SGK3: variants seen among roughly 807,000 people sequenced by gnomAD.
The protein encoded by SGK3 is serum/glucocorticoid regulated kinase family member 3.
In SGK3, 47 loss-of-function variants were observed where a neutral mutation model predicts 68.5. The observed-to-expected ratio is 0.69, with a 90% confidence interval of 0.54 to 0.87. SGK3 has a LOEUF of 0.87. Among genes scored for constraint, SGK3 ranks in the 40% least tolerant of loss-of-function variants. The pLI is 0.00. For missense variants in SGK3, 479 were observed against 575.5 expected (o/e 0.83, Z 1.72); for synonymous variants, 181 against 189.1 (o/e 0.96, Z 0.35).
At chr8:66,718,315 G>A (rs769993501) in intron 1 of SGK3, among the ~76,000 whole-genome samples, 12 of 151,738 alleles carry the variant, frequency 7.9e-5, no homozygotes, top group Non-Finnish European at 1.6e-4. Flanking sequence ...ATGACTCACC[G>A]CTCCCAGCCT....
At chr8:66,792,345 A>AG (rs1384763932) in intron 1 of SGK3, among the ~76,000 whole-genome samples, 2 of 151,940 alleles carry the variant, frequency 1.3e-5, no homozygotes, top group African/African-American at 4.8e-5. Flanking sequence ...AAAAAAAAAA[A>AG]AAAGAAATCT....
chr8:66,823,497 A>G (rs1159893587), intron 6 of SGK3, among the ~76,000 whole-genome samples: 1 of 151,294 alleles, frequency 6.6e-6, no homozygotes, highest in Non-Finnish European at 1.5e-5. Context: ...TCCCAGGTTC[A>G]AGTGATTCTC....
chr8:66,745,675 C>T (rs534373222), intron 1 of SGK3, among the ~76,000 whole-genome samples: 19 of 152,108 alleles, frequency 1.2e-4, no homozygotes, highest in Non-Finnish European at 2.6e-4. Flanking sequence ...GCTGCTATAG[C>T]AGAATGCCTG....
intron 1 of SGK3, among the ~76,000 whole-genome samples, chr8:66,760,719 T>C (rs892812623): frequency 3.2e-4 from 49 of 152,156 alleles, no homozygotes; most frequent in Admixed American, 2.4e-3. Context: ...CAAGTAAAAA[T>C]GAGATTCTAT....
intron 3 of SGK3, among the ~76,000 whole-genome samples, chr8:66,800,176 C>G (rs890369500): frequency 6.6e-6 from 1 of 151,724 alleles, no homozygotes; most frequent in African/African-American, 2.4e-5. Flanking sequence ...CCCGTCTCTA[C>G]TAAAAATACA....
intron 5 of SGK3, among the ~76,000 whole-genome samples, chr8:66,816,023 G>A (rs973413908): frequency 7.3e-5 from 11 of 151,710 alleles, no homozygotes; most frequent in African/African-American, 1.9e-4. Flanking sequence ...TTTTTGAGAC[G>A]GAGTCTCACT....
intron 14 of SGK3, 58 bp from the exon 15 acceptor site, chr8:66,847,134 AC>A: frequency 1.9e-6 from 3 of 1,567,444 alleles, no homozygotes; most frequent in Non-Finnish European, 1.7e-6. Flanking sequence ...AGCCATTTTA[AC>A]CCCATTTGCG....
At chr8:66,791,083 A>G (rs573214705) in intron 1 of SGK3, among the ~76,000 whole-genome samples, 6 of 152,174 alleles carry the variant, frequency 3.9e-5, no homozygotes, top group Non-Finnish European at 8.8e-5. Flanking sequence ...CCTCTTTACT[A>G]GCAAAGTCAG....
Position 66,727,085 on chromosome 8 carries a change from A to G in SGK3, c.-122+14252A>G, listed in dbSNP as rs557628636. 6.6e-5 allele frequency among the ~76,000 whole-genome samples: 10 copies of G among 152,190 alleles called. No individual in the cohort carries two copies. In the East Asian group the frequency reaches 1.9e-3, roughly 29 times the overall value. On this transcript the variant is annotated intron_variant, in intron 1 of 16. Transcript: ENST00000521198. ...CCTATTAACCAAGTAAAGATGATAG[A>G]ACATGTTAGATCTGAATTCCTTTTT...
intron 1 of SGK3, among the ~76,000 whole-genome samples, chr8:66,730,838 T>C (rs1472887379): frequency 6.8e-6 from 1 of 147,478 alleles, no homozygotes; most frequent in Admixed American, 6.7e-5. Context: ...CCACCAAGCC[T>C]GGCTAATTTT....
chr8:66,741,928 G>T (rs2130399564), intron 1 of SGK3, among the ~76,000 whole-genome samples: 1 of 152,368 alleles, frequency 6.6e-6, no homozygotes, highest in East Asian at 1.9e-4. Flanking sequence ...AAAGGTGCTA[G>T]GATGGGGGCA....
chr8:66,767,638 A>G lies in SGK3; in HGVS notation c.-121-25978A>G, dbSNP rs773710009. Reference sequence around the variant, plus strand: ...AGGCAGGTCAAAACTCTCGAAGCCTAGAGGATTGAAGGGAAATAATTTTTC... The same window carrying G: ...AGGCAGGTCAAAACTCTCGAAGCCTGGAGGATTGAAGGGAAATAATTTTTC... On this transcript the variant is annotated intron_variant, in intron 1 of 16. Coordinates refer to ENST00000521198, the MANE Select transcript of SGK3 (RefSeq NM_001033578.3). 3.1e-5 allele frequency: 43 copies of G among 1,372,842 alleles called. 1 individual carries two copies. In the East Asian group the frequency reaches 5.0e-4, roughly 16 times the overall value. 85.0% of individuals were successfully genotyped at this position (1,372,842 alleles called of 1,614,324 possible).
chr8:66,802,767 A>G (rs1807999615), intron 3 of SGK3, among the ~76,000 whole-genome samples: 1 of 151,954 alleles, frequency 6.6e-6, no homozygotes, highest in Non-Finnish European at 1.5e-5. Flanking sequence ...GGAGGAAGGA[A>G]GGAAGGAAGG....
At chr8:66,798,815 G>T (rs1040843648) in intron 3 of SGK3, among the ~76,000 whole-genome samples, 190 bp downstream of exon 3, 1 of 152,198 alleles carries the variant, frequency 6.6e-6, no homozygotes, top group African/African-American at 2.4e-5. Context: ...AGAGAGGACT[G>T]CTGAACAATT....
At chr8:66,766,275 C>A (rs543652626) in intron 1 of SGK3, among the ~76,000 whole-genome samples, 1 of 152,164 alleles carries the variant, frequency 6.6e-6, no homozygotes, top group East Asian at 1.9e-4. Flanking sequence ...GTAATCCCAG[C>A]GCTTTGGAAG....
rs183929503 is a variant in SGK3, at chr8:66,725,903, A to G, written c.-122+13070A>G. On this transcript the variant is annotated intron_variant, in intron 1 of 16. Transcript: ENST00000521198. ...GTTGTTTCCTAATAAAAACTCTTAG[A>G]TAATACCATTGCAATTACTGCAACA... Among the ~76,000 whole-genome samples, 524 of 152,256 alleles carry G rather than the reference A, an allele frequency of 3.4e-3. 7 individuals carry two copies. Among genetic ancestry groups the G allele is most frequent in the African/African-American group, 0.012 (507 of 41,516 alleles).
chr8:66,858,397 C>T (rs546697032), intron 16 of SGK3, among the ~76,000 whole-genome samples: 208 of 150,894 alleles, frequency 1.4e-3, no homozygotes, highest in African/African-American at 4.9e-3. Flanking sequence ...ACCCGGGAGG[C>T]GGAGCTTGCA....
At position 66,767,894 on chromosome 8, in the gene SGK3, T is replaced by C. The variant is rs776230067; in HGVS notation, c.-121-25722T>C. 4 of 1,232,926 alleles carry C rather than the reference T, an allele frequency of 3.2e-6. No individual in the cohort carries two copies. The South Asian group carries it at 3.6e-5, about 11-fold the overall frequency. The allele number at this position is 1,232,926 out of a possible 1,614,324, so 76.4% of individuals were successfully genotyped here. A position where few individuals can be genotyped will look rare whatever the true frequency, so the allele number is the denominator to read the frequency against. ...AAACATGATATTGAAACTTGAGATC[T>C]CCCATCTAAGGCTTTGATTGAAGGT... is the stretch of plus-strand genomic sequence containing the variant. On this transcript the variant is annotated intron_variant, in intron 1 of 16. Transcript: ENST00000521198.
At chr8:66,844,582 T>C (rs1244210431) in intron 14 of SGK3, among the ~76,000 whole-genome samples, 5 of 152,204 alleles carry the variant, frequency 3.3e-5, no homozygotes, top group Admixed American at 3.3e-4. Flanking sequence ...CTTTTTGACA[T>C]GTTTAGAAAT....
Sources: allele counts gnomAD v4.1 joint callset (sites outside exome capture counted in the v4.1 genomes callset), GRCh38; gene constraint gnomAD v4.1.1; transcripts MANE v1.5; gene names NCBI Gene and HGNC (gene_info 2026-07-23, HGNC 2026-07-21).